Variants in B4GALT5 observed in about 807,000 individuals in gnomAD.
B4GALT5 encodes UDP-Gal:beta-GlcNAc beta-1,4-galactosyltransferase 5.
A neutral mutation model predicts 45.0 loss-of-function variants in B4GALT5; 11 were observed. The observed-to-expected ratio is 0.24, with a 90% CI of 0.15 to 0.40. B4GALT5 has a LOEUF of 0.40. Among genes scored for constraint, B4GALT5 ranks in the 10% least tolerant of loss-of-function variants. The pLI is 1.00. For synonymous variants in B4GALT5, 185 were observed against 182.9 expected (o/e 1.01, Z -0.09); for missense variants, 337 against 500.2 (o/e 0.67, Z 3.11).
intron 1 of B4GALT5, among the ~76,000 whole-genome samples, chr20:49,702,621 G>A (rs2085866976): frequency 6.6e-6 from 1 of 152,060 alleles, no homozygotes; most frequent in Non-Finnish European, 1.5e-5. Context: ...CTGGGAGGCG[G>A]GGGTGGGAGG....
chr20:49,696,303 A>G (rs543843790), intron 1 of B4GALT5, among the ~76,000 whole-genome samples: 11 of 152,340 alleles, frequency 7.2e-5, no homozygotes, highest in African/African-American at 2.4e-4. Context: ...AGAAAGAAAA[A>G]AACTAATTAG....
chr20:49,708,677 A>G (rs77090948), intron 1 of B4GALT5, among the ~76,000 whole-genome samples: 1 of 152,116 alleles, frequency 6.6e-6, no homozygotes, highest in Non-Finnish European at 1.5e-5. Flanking sequence ...GCCAGGCGCA[A>G]TGGCTCATGT....
At chr20:49,643,378 C>T in intron 4 of B4GALT5, 148 bp downstream of exon 4, 1 of 1,041,526 alleles carries the variant, frequency 9.6e-7, no homozygotes, top group Non-Finnish European at 1.4e-6. Context: ...CTTGTGGAAA[C>T]CCATTCCTCT....
chr20:49,695,418 T>C (rs528694356), intron 1 of B4GALT5, among the ~76,000 whole-genome samples: 2 of 148,950 alleles, frequency 1.3e-5, no homozygotes, highest in Non-Finnish European at 3.0e-5. Context: ...GTGGTTTATT[T>C]TTTTTTTTTT....
intron 1 of B4GALT5, among the ~76,000 whole-genome samples, chr20:49,693,657 C>T (rs140265267): frequency 6.6e-6 from 1 of 152,298 alleles, no homozygotes; most frequent in African/African-American, 2.4e-5. Context: ...TACATATCAT[C>T]AAGAAACAAG....
At chr20:49,684,685 C>A (rs1027955868) in intron 1 of B4GALT5, 2 of 515,726 alleles carry the variant, frequency 3.9e-6, no homozygotes, top group African/African-American at 1.9e-5. Flanking sequence ...GGCATACCTG[C>A]AGACTTAAAC....
At chr20:49,660,775 C>T (rs2085661820) in intron 1 of B4GALT5, among the ~76,000 whole-genome samples, 1 of 152,054 alleles carries the variant, frequency 6.6e-6, no homozygotes, top group African/African-American at 2.4e-5. Context: ...CACTTGAGGC[C>T]AGGAGTTCAA....
chr20:49,668,610 C>T (rs906935108), intron 1 of B4GALT5, among the ~76,000 whole-genome samples: 2 of 151,150 alleles, frequency 1.3e-5, no homozygotes, highest in African/African-American at 4.9e-5. Flanking sequence ...GTGGGGGGGG[C>T]GTCAGGGTAT....
At chr20:49,693,267 T>C (rs1394105095) in intron 1 of B4GALT5, among the ~76,000 whole-genome samples, 2 of 152,182 alleles carry the variant, frequency 1.3e-5, no homozygotes, top group African/African-American at 4.8e-5. Flanking sequence ...AGAATATCAA[T>C]CACGGTAGCA....
intron 1 of B4GALT5, among the ~76,000 whole-genome samples, chr20:49,661,981 A>G (rs1460548578): frequency 6.6e-6 from 1 of 152,204 alleles, no homozygotes; most frequent in Non-Finnish European, 1.5e-5. Context: ...TTCAGATGCC[A>G]GTGTTAGCAG....
intron 1 of B4GALT5, among the ~76,000 whole-genome samples, chr20:49,688,879 G>C (rs2085797802): frequency 6.6e-6 from 1 of 150,422 alleles, no homozygotes; most frequent in African/African-American, 2.5e-5. Flanking sequence ...AGAGGTGGCA[G>C]TGAGCCGAGA....
intron 2 of B4GALT5, among the ~76,000 whole-genome samples, chr20:49,652,617 C>T (rs1342012208): frequency 6.6e-6 from 1 of 151,770 alleles, no homozygotes; most frequent in Non-Finnish European, 1.5e-5. Context: ...TGCAGATTCA[C>T]AATCTCACAA....
At chr20:49,642,182 C>G (rs142805903) in intron 5 of B4GALT5, among the ~76,000 whole-genome samples, 49 of 152,162 alleles carry the variant, frequency 3.2e-4, no homozygotes, top group African/African-American at 1.1e-3. Context: ...TTAAGGGGAA[C>G]TTCCTGGGTC....
At chr20:49,656,885 A>G (rs905384938) in intron 1 of B4GALT5, among the ~76,000 whole-genome samples, 183 bp from the exon 2 acceptor site, 2 of 152,142 alleles carry the variant, frequency 1.3e-5, no homozygotes, top group African/African-American at 4.8e-5. Flanking sequence ...TCTTTTGGGT[A>G]GCTAGTAGAG....
intron 1 of B4GALT5, among the ~76,000 whole-genome samples, chr20:49,666,446 A>G (rs553153381): frequency 6.6e-6 from 1 of 152,290 alleles, no homozygotes; most frequent in African/African-American, 2.4e-5. Context: ...CCCACTATAA[A>G]ATGTGGGATT....
chr20:49,657,465 C>T (rs879676497), intron 1 of B4GALT5, among the ~76,000 whole-genome samples: 1 of 152,180 alleles, frequency 6.6e-6, no homozygotes, highest in Non-Finnish European at 1.5e-5. Flanking sequence ...CTCACAAACA[C>T]GTCAAAATGT....
chr20:49,697,220 G>C (rs943799580), intron 1 of B4GALT5, among the ~76,000 whole-genome samples: 20 of 152,362 alleles, frequency 1.3e-4, no homozygotes, highest in African/African-American at 4.6e-4. Flanking sequence ...AAGGACACAG[G>C]TGCTACACAC....
chr20:49,658,743 C>G (rs1188613020), intron 1 of B4GALT5, among the ~76,000 whole-genome samples: 4 of 152,146 alleles, frequency 2.6e-5, no homozygotes, highest in Non-Finnish European at 5.9e-5. Context: ...TCCCACTACC[C>G]AGACTGATGC....
intron 4 of B4GALT5, 91 bp from the exon 5 acceptor site, chr20:49,642,675 T>C: frequency 1.3e-6 from 1 of 779,238 alleles, no homozygotes; most frequent in Non-Finnish European, 2.2e-6. Context: ...GACCAACCCA[T>C]GGGAGTTCTG....
Sources: allele counts gnomAD v4.1 joint callset (sites outside exome capture counted in the v4.1 genomes callset), GRCh38; gene constraint gnomAD v4.1.1; transcripts MANE v1.5; gene names NCBI Gene and HGNC (gene_info 2026-07-23, HGNC 2026-07-21).